The following CNGB3 variants were observed in gnomAD, a reference collection of about 807,000 sequenced individuals.
CNGB3 encodes the protein cyclic nucleotide-gated channel beta-3.
Under a neutral mutation model 92.8 loss-of-function variants are expected in CNGB3, and 86 were observed. That is an observed-to-expected ratio of 0.93 (90% CI 0.78 to 1.11). CNGB3 has a LOEUF of 1.11. Among genes scored for constraint, CNGB3 ranks in the 50% least tolerant of loss-of-function variants. CNGB3 has a pLI of 0.00. For missense variants in CNGB3, 1,026 were observed against 956.8 expected (o/e 1.07, Z -0.95); for synonymous variants, 333 against 332.7 (o/e 1.00, Z -0.01).
intron 15 of CNGB3, among the ~76,000 whole-genome samples, chr8:86,591,639 A>T (rs1440340045): frequency 1.3e-5 from 2 of 152,202 alleles, no homozygotes; most frequent in East Asian, 3.9e-4. Flanking sequence ...GGTGCCTCCC[A>T]GTTAGGCTGC....
chr8:86,727,181 T>C (rs181302388), intron 2 of CNGB3, among the ~76,000 whole-genome samples: 2 of 152,324 alleles, frequency 1.3e-5, no homozygotes, highest in East Asian at 1.9e-4. Context: ...GACTAAAATA[T>C]CTTTATGCAG....
intron 15 of CNGB3, among the ~76,000 whole-genome samples, chr8:86,587,210 T>G (rs1457373560): frequency 2.6e-5 from 4 of 150,944 alleles, no homozygotes; most frequent in Admixed American, 6.6e-5. Context: ...TAAATTTGTT[T>G]GAGTTCATTG....
chr8:86,680,095 T>A (rs185534877), intron 3 of CNGB3, among the ~76,000 whole-genome samples: 1 of 152,338 alleles, frequency 6.6e-6, no homozygotes, highest in East Asian at 1.9e-4. Context: ...TCAAGTGGAC[T>A]AACCTGGAAT....
At chr8:86,672,569 C>T (rs531221674) in intron 3 of CNGB3, among the ~76,000 whole-genome samples, 102 of 152,246 alleles carry the variant, frequency 6.7e-4, no homozygotes, top group Non-Finnish European at 1.0e-3. Flanking sequence ...ATGTAGGCTC[C>T]ATCCATACTC....
chr8:86,597,649 A>T (rs1436518683), intron 15 of CNGB3, among the ~76,000 whole-genome samples: 1 of 152,140 alleles, frequency 6.6e-6, no homozygotes. Context: ...AGTGTGGTGC[A>T]TTCAAGGAAT....
intron 15 of CNGB3, among the ~76,000 whole-genome samples, chr8:86,585,180 A>T (rs1009358833): frequency 2.0e-5 from 3 of 152,204 alleles, no homozygotes; most frequent in African/African-American, 7.2e-5. Context: ...GGGACTGTGT[A>T]AGATAACTTG....
chr8:86,658,053 G>A, intron 6 of CNGB3: 1 of 531,300 alleles, frequency 1.9e-6, no homozygotes, highest in Non-Finnish European at 3.6e-6. Context: ...CCATAAAGTG[G>A]CTCTGCAGCT....
chr8:86,702,958 T>G (rs1310455094), intron 3 of CNGB3, among the ~76,000 whole-genome samples: 1 of 152,114 alleles, frequency 6.6e-6, no homozygotes, highest in East Asian at 1.9e-4. Flanking sequence ...ATATATTTGA[T>G]GAAGATTTTT....
intron 10 of CNGB3, 50 bp from the exon 11 acceptor site, chr8:86,632,943 G>C: frequency 6.6e-7 from 1 of 1,516,078 alleles, no homozygotes; most frequent in Admixed American, 1.7e-5. Flanking sequence ...ATCATCGAAA[G>C]ACCACTATTC....
Position 86,598,970 on chromosome 8 carries a change from C to T in CNGB3, c.1781+5123G>A, listed in dbSNP as rs141322102. Among the ~76,000 whole-genome samples, 331 of 152,090 alleles carry T rather than the reference C, an allele frequency of 2.2e-3. 5 individuals carry two copies. Among genetic ancestry groups the T allele is most frequent in the African/African-American group, 6.8e-3 (284 of 41,498 alleles). ...ACCATTCAACCCACTACAGGCATCA[C>T]GTCAATTATCCTTTACATACCCCTC... On this transcript the variant is annotated intron_variant, in intron 15 of 17. Coordinates refer to ENST00000320005, the MANE Select transcript of CNGB3 (RefSeq NM_019098.5).
intron 3 of CNGB3, among the ~76,000 whole-genome samples, chr8:86,695,026 A>T (rs1824421232): frequency 6.6e-6 from 1 of 152,202 alleles, no homozygotes; most frequent in Non-Finnish European, 1.5e-5. Context: ...TGAGTGAACG[A>T]GACTCCGTCT....
At chr8:86,681,808 T>C (rs77164083) in intron 3 of CNGB3, among the ~76,000 whole-genome samples, 5 of 152,302 alleles carry the variant, frequency 3.3e-5, no homozygotes, top group Non-Finnish European at 5.9e-5. Flanking sequence ...AATGGAGCAA[T>C]GTCTCAAAAT....
Position 86,654,051 on chromosome 8 carries a change from A to G in CNGB3, c.864T>C (p.Asn288=). The change falls in exon 7 of 18, where the codon AAT becomes AAC. Residue 288 remains asparagine (N), a synonymous_variant. Coordinates refer to ENST00000320005, the MANE Select transcript of CNGB3 (RefSeq NM_019098.5). The stretch of plus-strand genomic sequence containing the variant: ...AAGTCCTGTAGTGTTTCCTTAGCTC[A>G]TTTGAATCCACCTGAAAGATATTTG... ...VRGGDIIVDS[N]ELRKHYRTST... is the part of the protein sequence containing the mutation. 1.3e-6 allele frequency: 2 copies of G among 1,590,248 alleles called. No individual in the cohort carries two copies. Among genetic ancestry groups the G allele is most frequent in the Non-Finnish European group, 1.7e-6 (2 of 1,158,598 alleles).
chr8:86,680,538 C>G (rs12549812), intron 3 of CNGB3, among the ~76,000 whole-genome samples: 2 of 152,138 alleles, frequency 1.3e-5, no homozygotes, highest in African/African-American at 4.8e-5. Context: ...GTAGGTTGCT[C>G]TCTTTTTGAC....
chr8:86,684,853 G>T (rs1201891963), intron 3 of CNGB3, among the ~76,000 whole-genome samples: 1 of 152,130 alleles, frequency 6.6e-6, no homozygotes, highest in Non-Finnish European at 1.5e-5. Context: ...GGTTATAACA[G>T]TGCAACATGA....
intron 15 of CNGB3, among the ~76,000 whole-genome samples, chr8:86,602,772 T>G (rs555981742): frequency 7.2e-5 from 11 of 152,324 alleles, no homozygotes; most frequent in African/African-American, 2.2e-4. Context: ...TACTGTATCT[T>G]TTCCACATAG....
Position 86,739,716 on chromosome 8 carries a change from C to G in CNGB3, c.150G>C (p.Glu50Asp). The G allele has an allele frequency of 6.3e-7, 1 of 1,584,946 alleles. No individual in the cohort carries two copies. Among genetic ancestry groups the G allele is most frequent in the Non-Finnish European group, 8.6e-7 (1 of 1,166,124 alleles). The change falls in exon 2 of 18, where the codon GAG (glutamate) becomes GAC (aspartate). Residue 50 changes from glutamate (E) to aspartate (D), a missense_variant. Coordinates refer to ENST00000320005, the MANE Select transcript of CNGB3 (RefSeq NM_019098.5). ...TTAQEENKGEEKSLKTKSTPV... is the reference protein window; with the variant it reads ...TTAQEENKGEDKSLKTKSTPV... The stretch of plus-strand genomic sequence containing the variant: ...GAGTTGACTTGGTTTTGAGAGATTT[C>G]TCTTCACCTTTGTTTTCTTCCTTTG...
chr8:86,710,332 T>C (rs1339461848), intron 3 of CNGB3, among the ~76,000 whole-genome samples: 1 of 152,162 alleles, frequency 6.6e-6, no homozygotes, highest in Non-Finnish European at 1.5e-5. Flanking sequence ...ACTCAACTTT[T>C]TTGTCTGCTA....
intron 3 of CNGB3, among the ~76,000 whole-genome samples, chr8:86,685,135 A>G (rs1386846573): frequency 6.6e-6 from 1 of 152,144 alleles, no homozygotes; most frequent in African/African-American, 2.4e-5. Context: ...GGTAAAGGGT[A>G]TATGGGATAT....
Sources: gnomAD v4.1 joint callset for allele counts (sites outside exome capture counted in the v4.1 genomes callset) on GRCh38, gnomAD v4.1.1 for gene constraint, MANE v1.5 for transcripts, NCBI Gene and HGNC (gene_info 2026-07-23, HGNC 2026-07-21) for gene names.